CDC73: variants seen among roughly 807,000 people sequenced by gnomAD.
CDC73 encodes parafibromin.
CDC73 carries 21 observed loss-of-function variants against 83.7 expected under a neutral mutation model. The observed-to-expected ratio is 0.25, with a 90% CI of 0.18 to 0.36. The LOEUF (loss-of-function observed/expected upper bound fraction) is 0.36, where lower values mean the gene tolerates loss of function less well. CDC73 is among the 10% of genes least tolerant of loss of function. CDC73 has a pLI of 1.00. For missense variants in CDC73, 342 were observed against 653.3 expected (o/e 0.52, Z 5.19); for synonymous variants, 224 against 212.9 (o/e 1.05, Z -0.45).
intron 10 of CDC73, among the ~76,000 whole-genome samples, chr1:193,202,481 A>T (rs1037235300): frequency 6.6e-6 from 1 of 151,998 alleles, no homozygotes; most frequent in African/African-American, 2.4e-5. Context: ...TGCTTGATAA[A>T]TTTTTACAAA....
At chr1:193,123,960 G>C (rs74130921) in intron 1 of CDC73, among the ~76,000 whole-genome samples, 3,231 of 152,282 alleles carry the variant, frequency 0.021, 112 homozygotes, top group African/African-American at 0.074. Context: ...TTTCTTGAAT[G>C]AATGAATGAA....
chr1:193,142,660 C>T (rs985013242), intron 7 of CDC73, among the ~76,000 whole-genome samples: 2 of 151,862 alleles, frequency 1.3e-5, no homozygotes, highest in South Asian at 4.2e-4. Flanking sequence ...CTCCCGTTTC[C>T]CTCTCTTCCT....
chr1:193,167,556 G>A (rs1676452997), intron 10 of CDC73, among the ~76,000 whole-genome samples: 2 of 152,064 alleles, frequency 1.3e-5, no homozygotes, highest in South Asian at 2.1e-4. Flanking sequence ...ATACATTTTT[G>A]ACTGCTTTAA....
At chr1:193,139,081 A>G (rs1206358957) in intron 6 of CDC73, among the ~76,000 whole-genome samples, 1 of 152,000 alleles carries the variant, frequency 6.6e-6, no homozygotes, top group African/African-American at 2.4e-5. Flanking sequence ...GCTGAACTTT[A>G]GTATTTTTTT....
At chr1:193,178,066 C>G (rs890475064) in intron 10 of CDC73, among the ~76,000 whole-genome samples, 2 of 152,094 alleles carry the variant, frequency 1.3e-5, no homozygotes, top group Non-Finnish European at 2.9e-5. Flanking sequence ...GAAGAAGACA[C>G]AGTTAACAAG....
intron 10 of CDC73, among the ~76,000 whole-genome samples, chr1:193,188,082 T>G (rs1005680231): frequency 3.3e-5 from 5 of 152,228 alleles, no homozygotes; most frequent in African/African-American, 1.2e-4. Context: ...AGTATTTATT[T>G]ATCAGTGATT....
chr1:193,153,922 A>G (rs779208327), intron 10 of CDC73, among the ~76,000 whole-genome samples: 7 of 152,176 alleles, frequency 4.6e-5, no homozygotes, highest in Admixed American at 4.6e-4. Flanking sequence ...CAAGGCAGGG[A>G]TCAAGACTGA....
rs1446637665 is a variant in CDC73, at chr1:193,254,604, A to G, written c.*3892A>G. On this transcript the variant is annotated 3_prime_UTR_variant, in exon 17 of 17. Coordinates refer to ENST00000367435, the MANE Select transcript of CDC73 (RefSeq NM_024529.5). ...ACTAAGGAAAAATTGAAAATGTATA[A>G]TAGATGTATAAAGATTTATATTTAG... Among the ~76,000 whole-genome samples, 3 of 152,176 alleles carry G rather than the reference A, an allele frequency of 2.0e-5. No homozygotes were observed. Among genetic ancestry groups the G allele is most frequent in the Admixed American group, 1.3e-4 (2 of 15,280 alleles).
At chr1:193,223,084 T>C (rs1263357025) in intron 13 of CDC73, among the ~76,000 whole-genome samples, 1 of 152,192 alleles carries the variant, frequency 6.6e-6, no homozygotes, top group Non-Finnish European at 1.5e-5. Flanking sequence ...AATTCTTTTT[T>C]ACTGTACATA....
At chr1:193,246,343 C>T (rs1359533575) in intron 15 of CDC73, among the ~76,000 whole-genome samples, 1 of 151,948 alleles carries the variant, frequency 6.6e-6, no homozygotes, top group Non-Finnish European at 1.5e-5. Flanking sequence ...ATACAGTTTT[C>T]CCTGCATCAT....
At chr1:193,192,310 G>T (rs1278118401) in intron 10 of CDC73, among the ~76,000 whole-genome samples, 1 of 152,158 alleles carries the variant, frequency 6.6e-6, no homozygotes, top group Non-Finnish European at 1.5e-5. Context: ...AGACGTGGTG[G>T]TACATGCCTG....
At chr1:193,144,832 TA>T (rs1401873532) in intron 7 of CDC73, among the ~76,000 whole-genome samples, 4 of 143,922 alleles carry the variant, frequency 2.8e-5, no homozygotes, top group Non-Finnish European at 4.6e-5. Context: ...TTTTTTTTTT[TA>T]AATGAAGGAA....
chr1:193,250,248 A>T (rs2102074058), intron 16 of CDC73, among the ~76,000 whole-genome samples: 1 of 151,978 alleles, frequency 6.6e-6, no homozygotes, highest in South Asian at 2.1e-4. Context: ...TGTGTTACGG[A>T]TGGTTCACAA....
chr1:193,157,815 T>C (rs1484637742), intron 10 of CDC73, among the ~76,000 whole-genome samples: 1 of 152,164 alleles, frequency 6.6e-6, no homozygotes, highest in African/African-American at 2.4e-5. Context: ...CTGGCTTTGA[T>C]TTTCAGTTCT....
At chr1:193,249,167 A>C (rs1443374346) in intron 15 of CDC73, among the ~76,000 whole-genome samples, 1 of 152,044 alleles carries the variant, frequency 6.6e-6, no homozygotes, top group Non-Finnish European at 1.5e-5. Flanking sequence ...CACCCTGTTC[A>C]GTCAACAGCC....
intron 5 of CDC73, chr1:193,136,584 G>T (rs776323488): frequency 4.7e-6 from 1 of 213,196 alleles, no homozygotes; most frequent in East Asian, 1.1e-4. Context: ...GAGCGAATAG[G>T]CTCAGACAGA....
intron 3 of CDC73, among the ~76,000 whole-genome samples, chr1:193,130,634 C>T (rs1675678412): frequency 6.6e-6 from 1 of 152,222 alleles, no homozygotes; most frequent in African/African-American, 2.4e-5. Flanking sequence ...CTCCCTGATA[C>T]TGTAAAATAT....
At chr1:193,160,836 A>G (rs567698753) in intron 10 of CDC73, among the ~76,000 whole-genome samples, 162 of 152,142 alleles carry the variant, frequency 1.1e-3, no homozygotes, top group African/African-American at 3.4e-3. Context: ...ATAACATGCT[A>G]TATTTGGGTG....
intron 13 of CDC73, among the ~76,000 whole-genome samples, chr1:193,213,383 GTCATAC>G (rs1677309786): frequency 2.1e-5 from 3 of 145,460 alleles, no homozygotes; most frequent in East Asian, 4.0e-4. Flanking sequence ...TTTTTTTTTA[GTCATAC>G]TCATTGTTAA....
Sources: allele counts gnomAD v4.1 joint callset (sites outside exome capture counted in the v4.1 genomes callset), GRCh38; gene constraint gnomAD v4.1.1; transcripts MANE v1.5; gene names NCBI Gene and HGNC (gene_info 2026-07-23, HGNC 2026-07-21).